The following DGAT2 variants were observed in gnomAD, a reference collection of about 807,000 sequenced individuals.
The protein encoded by DGAT2 is diacylglycerol O-acyltransferase 2.
A neutral mutation model predicts 48.4 loss-of-function variants in DGAT2; 33 were observed. That is an observed-to-expected ratio of 0.68 (90% CI 0.52 to 0.91). The LOEUF (loss-of-function observed/expected upper bound fraction) is 0.91. DGAT2 is among the 40% of genes least tolerant of loss of function. DGAT2 has a pLI of 0.00. For synonymous variants in DGAT2, 191 were observed against 194.1 expected, an observed-to-expected ratio of 0.98 and a Z score of 0.13; for missense variants, 446 against 493.7, an observed-to-expected ratio of 0.90 and a Z score of 0.92.
intron 6 of DGAT2, 150 bp downstream of exon 6, chr11:75,797,482 A>G: frequency 9.7e-7 from 1 of 1,026,480 alleles, no homozygotes; most frequent in Non-Finnish European, 1.3e-6. Context: ...TGGAGCCCAG[A>G]CTGCACAGTG....
In DGAT2 at chr11:75,784,626, T is replaced by A; in HGVS notation, c.130T>A (p.Ser44Thr). 2 of 1,614,030 alleles carry A rather than the reference T, an allele frequency of 1.2e-6. No homozygotes were observed. Among genetic ancestry groups the A allele is most frequent in the Non-Finnish European group, 1.7e-6 (2 of 1,179,936 alleles). The change falls in exon 2 of 8, where the codon TCC (serine) becomes ACC (threonine). Residue 44 changes from serine (S) to threonine (T), a missense_variant. Physicochemically the swap from Ser to Thr is moderately conservative, Grantham distance 58 (BLOSUM62 1). Coordinates refer to ENST00000228027, the MANE Select transcript of DGAT2 (RefSeq NM_032564.5). ...TCTTCCCTCTGCTGTAGGCACTGGA[T>A]CCAGCATCCTCTCCGCCCTCCAGGA... is the stretch of plus-strand genomic sequence containing the variant. ...REGSGRWGTG[S>T]SILSALQDLF...
chr11:75,779,551 C>A lies in DGAT2; in HGVS notation c.122-5067C>A, dbSNP rs115749989. Among the ~76,000 whole-genome samples the A allele has an allele frequency of 9.1e-3, 1,388 of 152,256 alleles. 22 individuals are homozygous for A. Among genetic ancestry groups the A allele is most frequent in the African/African-American group, 0.032 (1,339 of 41,548 alleles). Reference sequence around the variant, plus strand: ...GGGACGGTGAAGCCCCACATAGGCGCAGGAGAAGGGGATTGCTTTCCGGGT... The same window carrying A: ...GGGACGGTGAAGCCCCACATAGGCGAAGGAGAAGGGGATTGCTTTCCGGGT... On this transcript the variant is annotated intron_variant, in intron 1 of 7. Transcript: ENST00000228027.
At chr11:75,782,282 G>A (rs1161581282) in intron 1 of DGAT2, among the ~76,000 whole-genome samples, 1 of 152,190 alleles carries the variant, frequency 6.6e-6, no homozygotes, top group Admixed American at 6.5e-5. Flanking sequence ...TTGTTAAAAT[G>A]CAGATTTTGA....
At chr11:75,797,420 G>T in intron 6 of DGAT2, 88 bp downstream of exon 6, 1 of 1,321,630 alleles carries the variant, frequency 7.6e-7, no homozygotes, top group Non-Finnish European at 9.8e-7. Flanking sequence ...ACAGGACCCA[G>T]ACCCCAGGAA....
At chr11:75,786,869 C>A (rs899981685) in intron 2 of DGAT2, among the ~76,000 whole-genome samples, 1 of 152,170 alleles carries the variant, frequency 6.6e-6, no homozygotes, top group Non-Finnish European at 1.5e-5. Flanking sequence ...TATGCCCTTT[C>A]TCAGTGTTTT....
chr11:75,779,227 G>C (rs1281229791), intron 1 of DGAT2, among the ~76,000 whole-genome samples: 3 of 152,156 alleles, frequency 2.0e-5, no homozygotes, highest in Non-Finnish European at 2.9e-5. Context: ...AGTCTCACTA[G>C]AACATCCACA....
At chr11:75,800,077 C>G (rs1176408217) in intron 7 of DGAT2, among the ~76,000 whole-genome samples, 1 of 152,182 alleles carries the variant, frequency 6.6e-6, no homozygotes, top group Non-Finnish European at 1.5e-5. Flanking sequence ...TCCCCTGACT[C>G]TCATAGACCC....
At chr11:75,790,161 C>A in intron 2 of DGAT2, 27 bp from the exon 3 acceptor site, 2 of 1,542,706 alleles carry the variant, frequency 1.3e-6, no homozygotes, top group Non-Finnish European at 1.8e-6. Flanking sequence ...CCCAGTAGGA[C>A]CTGACCTGTG....
In DGAT2 at chr11:75,790,731, G is replaced by GGT; in HGVS notation, c.429+1_429+2dup. On this transcript the variant is annotated frameshift_variant and splice_region_variant. Transcript: ENST00000228027. LOFTEE classifies it high-confidence loss of function. ...ACTTTCGAGACTACTTTCCCATCCA[G>GGT]GTAAAGTGCTGTGAGTGTTGTTTTG... The GGT allele has an allele frequency of 6.2e-7, 1 of 1,614,194 alleles. No homozygotes were observed.
chr11:75,800,207 G>A, intron 7 of DGAT2, 147 bp from the exon 8 acceptor site: 1 of 1,072,400 alleles, frequency 9.3e-7, no homozygotes, highest in Non-Finnish European at 1.3e-6. Context: ...TGTAATAGGG[G>A]ACAACCAGAG....
At chr11:75,783,287 C>G (rs1237284311) in intron 1 of DGAT2, among the ~76,000 whole-genome samples, 1 of 152,208 alleles carries the variant, frequency 6.6e-6, no homozygotes, top group East Asian at 1.9e-4. Flanking sequence ...CCCTCTGATG[C>G]ATCACACCAG....
rs1464901952 is a variant in DGAT2, at chr11:75,797,298, C to T, written c.775C>T (p.Arg259Cys). 9 of 1,547,498 alleles carry T rather than the reference C, an allele frequency of 5.8e-6. No individual in the cohort carries two copies. The highest frequency in any genetic ancestry group is 1.9e-5 in the Admixed American group (1 of 52,434). The change falls in exon 6 of 8, where the codon CGC becomes TGC. Residue 259 changes from arginine to cysteine, a missense_variant. Arg to Cys is a radical substitution (Grantham distance 180, BLOSUM62 -3). Transcript: ENST00000228027. The part of the protein sequence containing the change: ...PGKNAVTLRN[R>C]KGFVKLALRH... ...CAAGAATGCAGTCACCCTGCGGAAC[C>T]GCAAGGGCTTTGTGAAACTGGCCCT...
intron 4 of DGAT2, 69 bp downstream of exon 4, chr11:75,790,800 C>T (rs1944980790): frequency 6.5e-7 from 1 of 1,544,098 alleles, no homozygotes; most frequent in African/African-American, 1.4e-5. Flanking sequence ...GGCCTTAACC[C>T]ACCCACAGGG....
chr11:75,794,708 A>G (rs1356554708), intron 4 of DGAT2: 1 of 152,190 alleles, frequency 6.6e-6, no homozygotes, highest in Non-Finnish European at 1.5e-5. Context: ...AGATAGCTGT[A>G]TGTTTGGTAG....
At chr11:75,769,849 A>G (rs1944739754) in intron 1 of DGAT2, among the ~76,000 whole-genome samples, 3 of 152,092 alleles carry the variant, frequency 2.0e-5, no homozygotes, top group Non-Finnish European at 1.5e-5. Context: ...GACCCTGGGA[A>G]GTCATCACAG....
chr11:75,796,244 A>G lies in DGAT2; in HGVS notation c.430-84A>G. 5 of 1,193,598 alleles carry G rather than the reference A, an allele frequency of 4.2e-6. No individual in the cohort carries two copies. The Admixed American group carries it at 9.0e-5, about 22-fold the overall frequency. The allele number at this position is 1,193,598 out of a possible 1,614,324, so 73.9% of individuals were successfully genotyped here. A position where few individuals can be genotyped will look rare whatever the true frequency, so the allele number is the denominator to read the frequency against. ...CCCATGGAGGTCCAGGGGAAATGAC[A>G]CATCCAATCCCTCCCTACCCTCCGG... On this transcript the variant is annotated intron_variant, in intron 4 of 7. Transcript: ENST00000228027.
In DGAT2 at chr11:75,790,668, G is replaced by A. The variant is rs760623169; in HGVS notation, c.366G>A (p.Arg122=). 1 of 1,614,138 alleles carries A rather than the reference G, an allele frequency of 6.2e-7. No individual in the cohort carries two copies. Among genetic ancestry groups the A allele is most frequent in the Non-Finnish European group, 8.5e-7 (1 of 1,180,010 alleles). ...TATTTTATTCCCTGGAAGGTGGCAG[G>A]AGGTCACAGTGGGTCCGAAACTGGG... is the stretch of plus-strand genomic sequence containing the variant. ...FDWNTPKKGG[R]RSQWVRNWAV... is the part of the protein sequence containing the mutation. The change falls in exon 4 of 8, where the codon AGG becomes AGA. Residue 122 remains arginine, a synonymous_variant. Transcript: ENST00000228027.
At chr11:75,790,146 T>C (rs969501381) in intron 2 of DGAT2, 42 bp from the exon 3 acceptor site, 3 of 1,438,604 alleles carry the variant, frequency 2.1e-6, no homozygotes, top group Non-Finnish European at 2.9e-6. Context: ...AGAGGGGAGA[T>C]GAAGCCCAGT....
chr11:75,797,132 A>G (rs541569224), intron 5 of DGAT2, 26 bp from the exon 6 acceptor site: 2 of 1,455,700 alleles, frequency 1.4e-6, no homozygotes, highest in Admixed American at 2.4e-5. Context: ...GGCAACCCTG[A>G]CTGTTGCGTC....
Sources: allele counts gnomAD v4.1 joint callset (sites outside exome capture counted in the v4.1 genomes callset), GRCh38; gene constraint gnomAD v4.1.1; transcripts MANE v1.5; gene names NCBI Gene and HGNC (gene_info 2026-07-23, HGNC 2026-07-21).